ZHX2: variants seen among roughly 807,000 people sequenced by gnomAD.
The protein encoded by ZHX2 is zinc fingers and homeoboxes protein 2.
ZHX2 carries 6 observed loss-of-function variants against 21.9 expected under a neutral mutation model. The observed-to-expected ratio is 0.27, with a 90% CI of 0.15 to 0.54. The LOEUF (loss-of-function observed/expected upper bound fraction) is 0.54. Ranked by LOEUF, ZHX2 falls within the 20% of genes least tolerant of loss-of-function variation. ZHX2 has a pLI of 0.95. For missense variants in ZHX2, 908 were observed against 1,090.7 expected (o/e 0.83, Z 2.36); for synonymous variants, 434 against 437.1 (o/e 0.99, Z 0.09).
At chr8:122,853,885 C>T (rs115714502) in intron 1 of ZHX2, among the ~76,000 whole-genome samples, 3 of 152,296 alleles carry the variant, frequency 2.0e-5, no homozygotes, top group Admixed American at 1.3e-4. Flanking sequence ...GAACAGGGAA[C>T]GTCTGCCCCA....
chr8:122,924,220 A>G (rs986724433), intron 2 of ZHX2, among the ~76,000 whole-genome samples: 2 of 152,154 alleles, frequency 1.3e-5, no homozygotes, highest in Non-Finnish European at 2.9e-5. Context: ...TGAAGCCTCT[A>G]GGGGAAGATC....
chr8:122,882,943 C>T (rs1387829648), intron 2 of ZHX2, among the ~76,000 whole-genome samples: 1 of 152,118 alleles, frequency 6.6e-6, no homozygotes, highest in Non-Finnish European at 1.5e-5. Context: ...GATGGCACCA[C>T]TATACTCCAG....
At position 122,838,216 on chromosome 8, in the gene ZHX2, G is replaced by T. The variant is rs145280973; in HGVS notation, c.-282-25261G>T. Among the ~76,000 whole-genome samples the T allele has an allele frequency of 7.2e-5, 11 of 152,332 alleles. No homozygotes were observed. The East Asian group carries it at 1.2e-3, about 16-fold the overall frequency. The stretch of plus-strand genomic sequence containing the variant: ...AGAGCAGAAAGCACAGCACAGTGGG[G>T]TGCCAGGGGCACTTCCTGGGTATCA... On this transcript the variant is annotated intron_variant, in intron 1 of 3. Transcript: ENST00000314393.
intron 1 of ZHX2, among the ~76,000 whole-genome samples, chr8:122,859,403 C>A (rs1362808599): frequency 6.6e-6 from 1 of 152,188 alleles, no homozygotes; most frequent in Non-Finnish European, 1.5e-5. Context: ...ACAGCTAACA[C>A]CTGCTCACAC....
At chr8:122,955,072 G>T (rs574397734) in intron 3 of ZHX2, among the ~76,000 whole-genome samples, 5 of 121,600 alleles carry the variant, frequency 4.1e-5, no homozygotes, top group South Asian at 2.5e-4. Flanking sequence ...CATAAGCCGG[G>T]GGGGGGGGGG....
intron 2 of ZHX2, among the ~76,000 whole-genome samples, chr8:122,883,202 C>T (rs1456902415): frequency 1.3e-5 from 2 of 152,136 alleles, no homozygotes; most frequent in Non-Finnish European, 2.9e-5. Flanking sequence ...TCAGATACAC[C>T]AAGCCTGGTT....
chr8:122,864,358 G>C (rs1237045449), intron 2 of ZHX2, among the ~76,000 whole-genome samples: 1 of 151,984 alleles, frequency 6.6e-6, no homozygotes, highest in Non-Finnish European at 1.5e-5. Flanking sequence ...TGACCCTCAT[G>C]TCTCTCCTAC....
intron 2 of ZHX2, among the ~76,000 whole-genome samples, chr8:122,902,695 T>C (rs186103268): frequency 5.3e-4 from 80 of 152,314 alleles, no homozygotes; most frequent in Admixed American, 3.3e-3. Flanking sequence ...TCATAGTATT[T>C]ACCCCATAGG....
chr8:122,790,500 G>A (rs911318497), intron 1 of ZHX2, among the ~76,000 whole-genome samples: 1 of 152,180 alleles, frequency 6.6e-6, no homozygotes, highest in Non-Finnish European at 1.5e-5. Flanking sequence ...AACATCTGCT[G>A]CCCATTGTCA....
At chr8:122,898,612 A>G (rs1283912550) in intron 2 of ZHX2, among the ~76,000 whole-genome samples, 6 of 152,306 alleles carry the variant, frequency 3.9e-5, no homozygotes, top group Admixed American at 2.6e-4. Flanking sequence ...TTCAAGTCCA[A>G]ATAGGAGCTA....
intron 2 of ZHX2, among the ~76,000 whole-genome samples, chr8:122,935,157 C>CT (rs572597772): frequency 0.054 from 7,904 of 147,590 alleles, 529 homozygotes; most frequent in African/African-American, 0.17. Context: ...CTCTCTGTGT[C>CT]TTTTTTTTTT....
intron 1 of ZHX2, among the ~76,000 whole-genome samples, chr8:122,837,325 T>G (rs1289979626): frequency 1.3e-5 from 2 of 152,104 alleles, no homozygotes; most frequent in Non-Finnish European, 2.9e-5. Context: ...CCCTTTCCAG[T>G]AACTGTATTA....
chr8:122,933,020 A>T (rs1301800194), intron 2 of ZHX2, among the ~76,000 whole-genome samples: 1 of 152,200 alleles, frequency 6.6e-6, no homozygotes, highest in Non-Finnish European at 1.5e-5. Flanking sequence ...AGATAAAGGG[A>T]AGTCTCTTCG....
chr8:122,961,943 T>G (rs1813461107), intron 3 of ZHX2, among the ~76,000 whole-genome samples: 1 of 152,160 alleles, frequency 6.6e-6, no homozygotes, highest in East Asian at 1.9e-4. Flanking sequence ...CTTCTTGCCT[T>G]TCCAAGTTGA....
At chr8:122,896,027 A>T (rs1820091138) in intron 2 of ZHX2, among the ~76,000 whole-genome samples, 1 of 152,112 alleles carries the variant, frequency 6.6e-6, no homozygotes, top group Non-Finnish European at 1.5e-5. Context: ...CTCAGCTAGG[A>T]GCTCTCTGCT....
At chr8:122,944,616 G>A (rs998471054) in intron 2 of ZHX2, among the ~76,000 whole-genome samples, 2 of 152,110 alleles carry the variant, frequency 1.3e-5, no homozygotes, top group African/African-American at 2.4e-5. Flanking sequence ...CCTCCATGGT[G>A]AGCTCTCCAC....
chr8:122,949,864 G>C (rs7002939), intron 2 of ZHX2, among the ~76,000 whole-genome samples: 62,921 of 152,032 alleles, frequency 0.41, 13,442 homozygotes, highest in Middle Eastern at 0.5. Context: ...CCACTGCACT[G>C]CAACCTGGGT....
At chr8:122,819,588 T>G (rs1818099889) in intron 1 of ZHX2, among the ~76,000 whole-genome samples, 1 of 151,974 alleles carries the variant, frequency 6.6e-6, no homozygotes, top group East Asian at 1.9e-4. Flanking sequence ...CCTAAGGAGG[T>G]TTTCCAGGCA....
chr8:122,807,867 CTG>C (rs529914628), intron 1 of ZHX2: 2 of 152,236 alleles, frequency 1.3e-5, no homozygotes, highest in Non-Finnish European at 2.9e-5. Flanking sequence ...ACTCTAGACA[CTG>C]TCTCTTAACT....
Sources: allele counts gnomAD v4.1 joint callset (sites outside exome capture counted in the v4.1 genomes callset), GRCh38; gene constraint gnomAD v4.1.1; transcripts MANE v1.5; gene names NCBI Gene and HGNC (gene_info 2026-07-23, HGNC 2026-07-21).